Variants in NEURL1B observed in about 807,000 individuals in gnomAD.
NEURL1B encodes the protein neuralized E3 ubiquitin protein ligase 1B, also known as E3 ubiquitin-protein ligase NEURL1B.
Under a neutral mutation model 37.4 loss-of-function variants are expected in NEURL1B, and 13 were observed. That is an observed-to-expected ratio of 0.35 (90% CI 0.23 to 0.55). The LOEUF is 0.55. Ranked by LOEUF, NEURL1B falls within the 20% of genes least tolerant of loss-of-function variation. The probability of loss-of-function intolerance (pLI) is 0.89; values close to 1 mark genes in which losing one functional copy is unlikely to be tolerated. For missense variants in NEURL1B, 790 were observed against 879.2 expected, an observed-to-expected ratio of 0.90 and a Z score of 1.28; for synonymous variants, 432 against 426.6, an observed-to-expected ratio of 1.01 and a Z score of -0.16.
At chr5:172,682,585 A>T in intron 2 of NEURL1B, among the ~76,000 whole-genome samples, 1 of 152,352 alleles carries the variant, frequency 6.6e-6, no homozygotes, top group Non-Finnish European at 1.5e-5. Context: ...TCAAAAAAAA[A>T]AAATTTCTTT....
chr5:172,660,262 G>A (rs542101080), intron 1 of NEURL1B, among the ~76,000 whole-genome samples: 1 of 152,302 alleles, frequency 6.6e-6, no homozygotes, highest in South Asian at 2.1e-4. Context: ...GAGTCAGCTT[G>A]GGAATCCCAG....
intron 1 of NEURL1B, among the ~76,000 whole-genome samples, chr5:172,664,189 CAG>C (rs1491491732): frequency 2.6e-5 from 4 of 152,188 alleles, no homozygotes; most frequent in East Asian, 1.9e-4. Flanking sequence ...AAAGTTAGGA[CAG>C]GGGGAAAAAG....
In NEURL1B at chr5:172,669,833, C is replaced by G. The variant is rs1758086072; in HGVS notation, c.80C>G (p.Pro27Arg). Residue 27 changes from proline to arginine, a missense_variant, in exon 2 of 5, where the codon CCC (proline) becomes CGC (arginine). Around this residue, in one of 3 missense-constraint regions of NEURL1B, gnomAD observed 215 missense variants for 309.2 expected, o/e 0.70. Transcript: ENST00000369800. ...RLLATRPCCG[P>R]GPERRPVLGE... is the part of the protein sequence containing the mutation. ...CTGGCCACCCGGCCGTGCTGCGGCC[C>G]CGGCCCCGAGCGACGCCCGGTCCTG... The G allele has an allele frequency of 1.5e-6, 2 of 1,341,668 alleles. No homozygotes were observed. Among genetic ancestry groups the G allele is most frequent in the Admixed American group, 8.2e-5 (2 of 24,294 alleles). The allele number at this position is 1,341,668 out of a possible 1,614,324, so 83.1% of individuals were successfully genotyped here.
At chr5:172,670,404 A>T in intron 2 of NEURL1B, 74 bp downstream of exon 2, 1 of 1,195,356 alleles carries the variant, frequency 8.4e-7, no homozygotes, top group Non-Finnish European at 1.1e-6. Flanking sequence ...TTTCATTAGT[A>T]GCCACAGTCA....
chr5:172,684,010 C>G lies in NEURL1B; in HGVS notation c.1169C>G (p.Pro390Arg). The stretch of plus-strand genomic sequence containing the variant: ...GACGCGCTCAGCTTCACGCTGCGGC[C>G]CGGCGGCGACGTGCTCCTGGGCATC... ...GGDALSFTLR[P>R]GGDVLLGING... Residue 390 changes from proline to arginine, a missense_variant, in exon 3 of 5, where the codon CCC becomes CGC. Transcript: ENST00000369800. The G allele has an allele frequency of 7.5e-7, 1 of 1,334,252 alleles. No individual in the cohort carries two copies. Among genetic ancestry groups the G allele is most frequent in the Non-Finnish European group, 9.6e-7 (1 of 1,040,112 alleles). The allele number at this position is 1,334,252 out of a possible 1,614,324, so 82.7% of individuals were successfully genotyped here.
In NEURL1B at chr5:172,675,131, C is replaced by T. The variant is rs1279336581; in HGVS notation, c.577+4801C>T. ...ACCTCAGGTGATCCGCCCGCCTCGGCCTCCAAAAGTGCTGGGATTACAGGC... is the reference window on the plus strand; with the variant it reads ...ACCTCAGGTGATCCGCCCGCCTCGGTCTCCAAAAGTGCTGGGATTACAGGC... On this transcript the variant is annotated intron_variant, in intron 2 of 4. Transcript: ENST00000369800. This position sits in a 1 kb window ranked among gnomAD's most constrained non-coding sequence, Gnocchi z 4.7. Among the ~76,000 whole-genome samples, 1 of 152,164 alleles carries T rather than the reference C, an allele frequency of 6.6e-6. No homozygotes were observed.
At chr5:172,664,853 C>T (rs1272181745) in intron 1 of NEURL1B, among the ~76,000 whole-genome samples, 2 of 152,212 alleles carry the variant, frequency 1.3e-5, no homozygotes, top group Non-Finnish European at 2.9e-5. Context: ...GACTGTTTAT[C>T]TCTTATTCCC....
rs369753938 is a variant in NEURL1B, at chr5:172,686,675, C to T, written c.1424-6C>T. ...TTAACATATGTCCTCTTCTCCCTTT[C>T]GGCAGTGACGGCCCCCAGCTCCCCG... On this transcript the variant is annotated splice_region_variant and splice_polypyrimidine_tract_variant and intron_variant, in intron 4 of 4. Coordinates refer to ENST00000369800, the MANE Select transcript of NEURL1B (RefSeq NM_001142651.3). The surrounding 1 kb of genome is among the most constrained non-coding windows in gnomAD (Gnocchi z 7.9). 2.2e-4 allele frequency: 344 copies of T among 1,548,190 alleles called. No homozygotes were observed. Among genetic ancestry groups the T allele is most frequent in the Non-Finnish European group, 2.8e-4 (321 of 1,144,680 alleles).
intron 1 of NEURL1B, among the ~76,000 whole-genome samples, chr5:172,658,989 A>G: frequency 6.7e-6 from 1 of 150,070 alleles, no homozygotes; most frequent in African/African-American, 2.5e-5. Context: ...GCCTCTGAGG[A>G]GCTCAAAACA....
rs1217752132 is a variant in NEURL1B at position 172,641,964 on chromosome 5, C to T, written c.31+527C>T. On this transcript the variant is annotated intron_variant, in intron 1 of 4. Coordinates refer to ENST00000369800, the MANE Select transcript of NEURL1B (RefSeq NM_001142651.3). The surrounding 1 kb of genome is among the most constrained non-coding windows in gnomAD (Gnocchi z 6.4). The stretch of plus-strand genomic sequence containing the variant: ...TCCCACGCGCACCCCGGTTGCGCCC[C>T]CCTCTGGTGTCCGCTCCACTGGGGA... Among the ~76,000 whole-genome samples the T allele has an allele frequency of 1.3e-5, 2 of 152,196 alleles. No individual in the cohort carries two copies. Among genetic ancestry groups the T allele is most frequent in the African/African-American group, 4.8e-5 (2 of 41,458 alleles).
chr5:172,685,933 A>G (rs1412703020), intron 3 of NEURL1B, among the ~76,000 whole-genome samples: 1 of 152,212 alleles, frequency 6.6e-6, no homozygotes, highest in Admixed American at 6.5e-5. Context: ...AGGGCACATT[A>G]GTATCCCAAA....
chr5:172,672,754 CCTT>C (rs1455361861), intron 2 of NEURL1B, among the ~76,000 whole-genome samples: 2 of 151,906 alleles, frequency 1.3e-5, no homozygotes, highest in African/African-American at 4.8e-5. Flanking sequence ...ATTATTCTGT[CCTT>C]TTTTTTTTAA....
rs77360131 is a variant in NEURL1B, at chr5:172,665,278, G to A, written c.32-4507G>A. On this transcript the variant is annotated intron_variant, in intron 1 of 4. Coordinates refer to ENST00000369800, the MANE Select transcript of NEURL1B (RefSeq NM_001142651.3). The surrounding 1 kb of genome is among the most constrained non-coding windows in gnomAD (Gnocchi z 4.1). ...GAAGCTGCACCAGGAGCTGAGTGTCGTGCACAAGGCCACCGTGAGCGTGGA... is the reference window on the plus strand; with the variant it reads ...GAAGCTGCACCAGGAGCTGAGTGTCATGCACAAGGCCACCGTGAGCGTGGA... Among the ~76,000 whole-genome samples, 1,612 of 152,328 alleles carry A rather than the reference G, an allele frequency of 0.011. 28 individuals are homozygous for A. Among genetic ancestry groups the A allele is most frequent in the African/African-American group, 0.036 (1,490 of 41,550 alleles).
rs1053276525 is a variant in NEURL1B, at chr5:172,689,762, G to A, written c.*2837G>A. The A allele has an allele frequency of 6.6e-6, 1 of 152,228 alleles. No homozygotes were observed. Among genetic ancestry groups the A allele is most frequent in the Non-Finnish European group, 1.5e-5 (1 of 68,062 alleles). The allele number at this position is 152,228 out of a possible 1,614,324, so 9.4% of individuals were successfully genotyped here. ...AGTTTTCTCCCTTGAAACTCACCTG[G>A]AGAGAGTCCGGGCACCTGTGCCTAT... is the stretch of plus-strand genomic sequence containing the variant. On this transcript the variant is annotated 3_prime_UTR_variant, in exon 5 of 5. Transcript: ENST00000369800.
In NEURL1B at chr5:172,669,186, C is replaced by T. The variant is rs1057276587; in HGVS notation, c.32-599C>T. On this transcript the variant is annotated intron_variant, in intron 1 of 4. Transcript: ENST00000369800. Reference sequence around the variant, plus strand: ...AGTGGAGTCATGTCAGGCAAAAAGACAAGCTAGAGAAGTGACAAGTCTGCC... The same window carrying T: ...AGTGGAGTCATGTCAGGCAAAAAGATAAGCTAGAGAAGTGACAAGTCTGCC... Among the ~76,000 whole-genome samples, 3 of 152,190 alleles carry T rather than the reference C, an allele frequency of 2.0e-5. No homozygotes were observed. The South Asian group carries it at 6.2e-4, about 32-fold the overall frequency.
At chr5:172,681,022 CAG>C (rs1189458352) in intron 2 of NEURL1B, among the ~76,000 whole-genome samples, 3 of 152,100 alleles carry the variant, frequency 2.0e-5, no homozygotes, top group African/African-American at 7.2e-5. Context: ...ACAATCATGG[CAG>C]AAGGTGAAGG....
chr5:172,684,144 T>A lies in NEURL1B; in HGVS notation c.1297+6T>A. 1 of 1,231,738 alleles carries A rather than the reference T, an allele frequency of 8.1e-7. No individual in the cohort carries two copies. Among genetic ancestry groups the A allele is most frequent in the Non-Finnish European group, 1.0e-6 (1 of 986,792 alleles). 76.3% of individuals were successfully genotyped at this position (1,231,738 alleles called of 1,614,324 possible). On this transcript the variant is annotated splice_donor_region_variant and intron_variant, in intron 3 of 4. Transcript: ENST00000369800. The stretch of plus-strand genomic sequence containing the variant: ...GGGCCAGCTGCGTCTCCTCGGTGAG[T>A]CCCCGGCCCCGCGTGCGCGAGGCCC...
rs1315846359 is a variant in NEURL1B at position 172,657,509 on chromosome 5, C to T, written c.32-12276C>T. 6.6e-6 allele frequency among the ~76,000 whole-genome samples: 1 copy of T among 152,096 alleles called. No individual in the cohort carries two copies. Among genetic ancestry groups the T allele is most frequent in the Non-Finnish European group, 1.5e-5 (1 of 68,010 alleles). On this transcript the variant is annotated intron_variant, in intron 1 of 4. Coordinates refer to ENST00000369800, the MANE Select transcript of NEURL1B (RefSeq NM_001142651.3). The surrounding 1 kb of genome is among the most constrained non-coding windows in gnomAD (Gnocchi z 4.0). ...TAGCTTTTAATATTACTCTTTGTTG[C>T]ATTACTAATATAACCTAGGAATAAC...
chr5:172,671,221 A>T (rs1758124822), intron 2 of NEURL1B, among the ~76,000 whole-genome samples: 1 of 151,716 alleles, frequency 6.6e-6, no homozygotes, highest in African/African-American at 2.4e-5. Context: ...CCCGGCAACC[A>T]CTCATCTGCT....
Sources: gnomAD v4.1 joint callset for allele counts (sites outside exome capture counted in the v4.1 genomes callset) on GRCh38, gnomAD v4.1.1 for gene constraint, gnomAD v4.1.1 regional missense constraint, Gnocchi (gnomAD v3.1) non-coding constraint, MANE v1.5 for transcripts, NCBI Gene and HGNC (gene_info 2026-07-23, HGNC 2026-07-21) for gene names.